C1QTNF7: variants seen among roughly 807,000 people sequenced by gnomAD.
C1QTNF7 encodes complement C1q tumor necrosis factor-related protein 7.
Under a neutral mutation model 19.6 loss-of-function variants are expected in C1QTNF7, and 15 were observed. The observed-to-expected ratio is 0.76, with a 90% CI of 0.51 to 1.18. C1QTNF7 has a LOEUF of 1.18. C1QTNF7 is among the 50% of genes most tolerant of loss of function. C1QTNF7 has a pLI of 0.00. For missense variants in C1QTNF7, 324 were observed against 359.7 expected, an observed-to-expected ratio of 0.90 and a Z score of 0.80; for synonymous variants, 142 against 137.5, an observed-to-expected ratio of 1.03 and a Z score of -0.23.
At chr4:15,349,190 A>T (rs1425272226) in intron 1 of C1QTNF7, among the ~76,000 whole-genome samples, 1 of 152,178 alleles carries the variant, frequency 6.6e-6, no homozygotes, top group Non-Finnish European at 1.5e-5. Context: ...GAGTGGGGCA[A>T]ACTGGGGTGA....
intron 1 of C1QTNF7, among the ~76,000 whole-genome samples, chr4:15,352,141 C>T (rs1439300938): frequency 6.6e-6 from 1 of 152,140 alleles, no homozygotes; most frequent in Non-Finnish European, 1.5e-5. Context: ...ACCAAATATG[C>T]CCAAGCTGCA....
chr4:15,421,633 T>C (rs1458455756), intron 1 of C1QTNF7, among the ~76,000 whole-genome samples: 1 of 152,162 alleles, frequency 6.6e-6, no homozygotes, highest in African/African-American at 2.4e-5. Flanking sequence ...GGTTTGAAGG[T>C]CAGACAAATC....
chr4:15,340,054 C>A, exon 1 of C1QTNF7: 1 of 997,352 alleles, frequency 1.0e-6, no homozygotes, highest in Non-Finnish European at 1.5e-6. Flanking sequence ...TATTTTTCAT[C>A]AAGTTATTTT....
intron 2 of C1QTNF7, among the ~76,000 whole-genome samples, chr4:15,441,749 C>T (rs148715422): frequency 6.8e-4 from 104 of 152,244 alleles, no homozygotes; most frequent in Middle Eastern, 3.4e-3. Flanking sequence ...TGGCTGGGCG[C>T]GGTGGCTCAT....
intron 1 of C1QTNF7, among the ~76,000 whole-genome samples, chr4:15,397,078 A>C (rs1267769933): frequency 2.6e-5 from 4 of 152,166 alleles, no homozygotes; most frequent in Admixed American, 6.5e-5. Flanking sequence ...GCAAAAGCAG[A>C]AAACCCTGAT....
chr4:15,385,678 C>T (rs1481747819), intron 1 of C1QTNF7, among the ~76,000 whole-genome samples: 2 of 152,110 alleles, frequency 1.3e-5, no homozygotes, highest in African/African-American at 2.4e-5. Flanking sequence ...AAGTCCACTC[C>T]GATCTGAAAG....
intron 1 of C1QTNF7, among the ~76,000 whole-genome samples, chr4:15,411,693 C>G (rs1369291389): frequency 1.3e-5 from 2 of 152,144 alleles, no homozygotes; most frequent in Non-Finnish European, 2.9e-5. Flanking sequence ...CCTGGCTTCC[C>G]CTGGTATAGT....
At chr4:15,430,516 G>T (rs966476825) in intron 1 of C1QTNF7, among the ~76,000 whole-genome samples, 1 of 152,192 alleles carries the variant, frequency 6.6e-6, no homozygotes, top group African/African-American at 2.4e-5. Flanking sequence ...ATTGTATGTG[G>T]AGTGACAGCT....
Position 15,442,934 on chromosome 4 carries a change from C to T in C1QTNF7, c.*135C>T. On this transcript the variant is annotated 3_prime_UTR_variant, in exon 3 of 3. Transcript: ENST00000444304. ...TAAAGACAATTCTAGCAGAATTTAT[C>T]AAAACAAGATGAAACACAGAAAAGT... is the stretch of plus-strand genomic sequence containing the variant. 3 of 934,870 alleles carry T rather than the reference C, an allele frequency of 3.2e-6. No individual in the cohort carries two copies. Among genetic ancestry groups the T allele is most frequent in the Non-Finnish European group, 4.6e-6 (3 of 656,944 alleles). 57.9% of individuals were successfully genotyped at this position (934,870 alleles called of 1,614,324 possible). A position where few individuals can be genotyped will look rare whatever the true frequency, so the allele number is the denominator to read the frequency against.
chr4:15,403,547 T>C (rs1282985081), intron 1 of C1QTNF7, among the ~76,000 whole-genome samples: 1 of 152,200 alleles, frequency 6.6e-6, no homozygotes, highest in Non-Finnish European at 1.5e-5. Context: ...GCCTCTGTCA[T>C]CACCTCACCT....
At chr4:15,377,058 C>T (rs1003923435) in intron 1 of C1QTNF7, among the ~76,000 whole-genome samples, 16 of 152,226 alleles carry the variant, frequency 1.1e-4, no homozygotes, top group African/African-American at 3.9e-4. Flanking sequence ...GTGCTTGGCA[C>T]AGAATCTCTT....
chr4:15,401,670 T>G (rs1719002592), intron 1 of C1QTNF7, among the ~76,000 whole-genome samples: 1 of 152,040 alleles, frequency 6.6e-6, no homozygotes, highest in African/African-American at 2.4e-5. Flanking sequence ...CATCGTAGTT[T>G]CTCAGAAAAG....
intron 1 of C1QTNF7, among the ~76,000 whole-genome samples, chr4:15,347,407 G>C (rs892050852): frequency 1.3e-5 from 2 of 152,166 alleles, no homozygotes; most frequent in South Asian, 4.1e-4. Context: ...TTAAATGCTT[G>C]AAGACTCATC....
chr4:15,397,181 A>G (rs1307965644), intron 1 of C1QTNF7, among the ~76,000 whole-genome samples: 1 of 152,122 alleles, frequency 6.6e-6, no homozygotes, highest in Non-Finnish European at 1.5e-5. Flanking sequence ...CCCACAACAC[A>G]TGGGAATTAT....
chr4:15,437,227 C>T (rs1029973), intron 2 of C1QTNF7, among the ~76,000 whole-genome samples: 15,624 of 151,784 alleles, frequency 0.1, 982 homozygotes, highest in East Asian at 0.3. Context: ...GCTATACAAA[C>T]AAACATTGGA....
chr4:15,374,868 T>TA, intron 1 of C1QTNF7: 2 of 553,376 alleles, frequency 3.6e-6, no homozygotes, highest in Non-Finnish European at 4.2e-6. Context: ...TCTCTCTCTC[T>TA]CTCTTTTTTT....
intron 1 of C1QTNF7, among the ~76,000 whole-genome samples, chr4:15,363,291 C>T (rs6824015): frequency 0.47 from 70,104 of 150,392 alleles, 17,538 homozygotes; most frequent in African/African-American, 0.65. Flanking sequence ...GTTGGTCTTT[C>T]TTTTTTTTAA....
chr4:15,431,687 C>T (rs1712315118), intron 1 of C1QTNF7, among the ~76,000 whole-genome samples: 2 of 152,012 alleles, frequency 1.3e-5, no homozygotes, highest in African/African-American at 4.8e-5. Flanking sequence ...TTTTTTCCCC[C>T]ACAAAGCTCA....
intron 1 of C1QTNF7, 34 bp from the exon 2 acceptor site, chr4:15,435,702 A>G: frequency 1.2e-6 from 2 of 1,610,912 alleles, no homozygotes; most frequent in African/African-American, 2.7e-5. Flanking sequence ...CCCAACACAG[A>G]AAGTTCATTT....
Sources: gnomAD v4.1 joint callset for allele counts (sites outside exome capture counted in the v4.1 genomes callset) on GRCh38, gnomAD v4.1.1 for gene constraint, MANE v1.5 for transcripts, NCBI Gene and HGNC (gene_info 2026-07-23, HGNC 2026-07-21) for gene names.